Variants in CORO1C observed in about 807,000 individuals in gnomAD.
CORO1C encodes the protein coronin 1C.
CORO1C carries 14 observed loss-of-function variants against 51.2 expected under a neutral mutation model. The ratio of observed to expected loss-of-function variants is 0.27; its 90% CI spans 0.18 to 0.43. The LOEUF (loss-of-function observed/expected upper bound fraction) is 0.43. Among genes scored for constraint, CORO1C ranks in the 20% least tolerant of loss-of-function variants. The pLI is 1.00. For synonymous variants in CORO1C, 181 were observed against 210.5 expected (o/e 0.86, Z 1.21); for missense variants, 417 against 607.8 (o/e 0.69, Z 3.30).
intron 1 of CORO1C, among the ~76,000 whole-genome samples, chr12:108,729,433 A>G (rs373124654): frequency 1.3e-5 from 2 of 152,208 alleles, no homozygotes; most frequent in East Asian, 1.9e-4. Flanking sequence ...TACCTTCCAC[A>G]AGTAATCAAA....
chr12:108,671,280 G>A (rs1367855765), intron 3 of CORO1C, among the ~76,000 whole-genome samples: 3 of 152,128 alleles, frequency 2.0e-5, no homozygotes, highest in Admixed American at 6.5e-5. Context: ...AGGCATGATC[G>A]TGCCACTGTA....
chr12:108,710,484 C>A (rs921688386), intron 1 of CORO1C, among the ~76,000 whole-genome samples: 1 of 152,158 alleles, frequency 6.6e-6, no homozygotes, highest in African/African-American at 2.4e-5. Flanking sequence ...CTCTTTTTAT[C>A]TTCAAATAAA....
At position 108,662,068 on chromosome 12, in the gene CORO1C, C is replaced by A. The variant is rs201309864; in HGVS notation, c.409G>T (p.Ala137Ser). 1 of 1,614,194 alleles carries A rather than the reference C, an allele frequency of 6.2e-7. No homozygotes were observed. Among genetic ancestry groups the A allele is most frequent in the African/African-American group, 1.3e-5 (1 of 75,054 alleles). The change falls in exon 4 of 11, where the codon GCT (alanine) becomes TCT (serine). Residue 137 changes from alanine (A) to serine (S), a missense_variant. Ala to Ser is a moderately conservative substitution (Grantham distance 99, BLOSUM62 1). Transcript: ENST00000261401. ...EGHSKRVGIV[A>S]WHPTARNVLL... ...ACATTGCGGGCCGTTGGATGCCAAG[C>A]CACGATGCCGACTCTCTTTGAGTGG...
chr12:108,693,762 G>A (rs559815709), intron 2 of CORO1C, among the ~76,000 whole-genome samples: 1 of 152,212 alleles, frequency 6.6e-6, no homozygotes, highest in East Asian at 1.9e-4. Flanking sequence ...GCCCTCCTAG[G>A]GACAGAGCCC....
chr12:108,667,216 G>C (rs962086324), intron 3 of CORO1C, among the ~76,000 whole-genome samples: 3 of 152,130 alleles, frequency 2.0e-5, no homozygotes, highest in Non-Finnish European at 2.9e-5. Flanking sequence ...ATTCAGCACT[G>C]TACCCAATTA....
chr12:108,726,948 G>A (rs1254679009), intron 1 of CORO1C, among the ~76,000 whole-genome samples: 1 of 152,194 alleles, frequency 6.6e-6, no homozygotes, highest in Non-Finnish European at 1.5e-5. Context: ...GGTAAGAGCT[G>A]GACTTGGATG....
In CORO1C at chr12:108,657,390, T is replaced by G. The variant is rs377185786; in HGVS notation, c.664A>C (p.Met222Leu). The change falls in exon 6 of 11, where the codon ATG becomes CTG. Residue 222 changes from methionine to leucine, a missense_variant. By Grantham distance (15) the Met-to-Leu change is conservative. Transcript: ENST00000261401. ...CCATCGGCCAGGAAGATGGCTCTCATGGGTCTTGCTCCTTCATGTGCTTTC... is the reference window on the plus strand; with the variant it reads ...CCATCGGCCAGGAAGATGGCTCTCAGGGGTCTTGCTCCTTCATGTGCTTTC... Reference protein sequence around the residue: ...KEKAHEGARPMRAIFLADGNV... With the variant: ...KEKAHEGARPLRAIFLADGNV... 1 of 1,613,852 alleles carries G rather than the reference T, an allele frequency of 6.2e-7. No homozygotes were observed. Among genetic ancestry groups the G allele is most frequent in the Non-Finnish European group, 8.5e-7 (1 of 1,179,914 alleles).
intron 1 of CORO1C, among the ~76,000 whole-genome samples, chr12:108,724,159 C>A (rs1186471779): frequency 1.3e-5 from 2 of 152,158 alleles, no homozygotes; most frequent in Non-Finnish European, 2.9e-5. Context: ...AAAGCAACAA[C>A]AACAACAACA....
At chr12:108,682,807 T>C (rs2034169287) in intron 2 of CORO1C, among the ~76,000 whole-genome samples, 1 of 152,146 alleles carries the variant, frequency 6.6e-6, no homozygotes, top group African/African-American at 2.4e-5. Flanking sequence ...AAGGAGTCAA[T>C]AGCAGGTAGA....
In CORO1C at chr12:108,672,656, TG is replaced by T. The variant is rs957595856; in HGVS notation, c.318+5615del. 2.4e-4 allele frequency among the ~76,000 whole-genome samples: 36 copies of T among 150,840 alleles called. 1 individual carries two copies. Among genetic ancestry groups the T allele is most frequent in the Middle Eastern group, 3.4e-3 (1 of 292 alleles). The stretch of plus-strand genomic sequence containing the variant: ...AGATATTGTGGTGGTGTTTTTGTTT[TG>T]TTTTTTTTTTTAAACAAATTGAAGC... On this transcript the variant is annotated intron_variant, in intron 3 of 10. Transcript: ENST00000261401.
intron 1 of CORO1C, among the ~76,000 whole-genome samples, chr12:108,716,055 C>T (rs2035326589): frequency 6.9e-6 from 1 of 144,624 alleles, no homozygotes; most frequent in African/African-American, 2.6e-5. Flanking sequence ...CGCTTGAACC[C>T]GGAAGTCGGA....
At chr12:108,727,670 T>C (rs147235538) in intron 1 of CORO1C, among the ~76,000 whole-genome samples, 1,753 of 152,340 alleles carry the variant, frequency 0.012, 13 homozygotes, top group Non-Finnish European at 0.016. Context: ...TTTCAACTTA[T>C]ATAACCAAAA....
Position 108,659,010 on chromosome 12 carries a change from T to C in CORO1C, c.449-91A>G, listed in dbSNP as rs556354780. The C allele has an allele frequency of 8.1e-4, 1,082 of 1,332,246 alleles. 1 individual carries two copies. Among genetic ancestry groups the C allele is most frequent in the Non-Finnish European group, 1.0e-3 (984 of 970,348 alleles). The allele number at this position is 1,332,246 out of a possible 1,614,324, so 82.5% of individuals were successfully genotyped here. A position where few individuals can be genotyped will look rare whatever the true frequency, so the allele number is the denominator to read the frequency against. On this transcript the variant is annotated intron_variant, in intron 4 of 10. Transcript: ENST00000261401. ...TACAGATACAGTGAGAATACACATA[T>C]GTATATGCAGAGAGAGAGAGAGAGA...
intron 3 of CORO1C, among the ~76,000 whole-genome samples, chr12:108,662,977 C>T (rs992318225): frequency 6.6e-6 from 1 of 152,038 alleles, no homozygotes; most frequent in Non-Finnish European, 1.5e-5. Context: ...TAGAATTCAA[C>T]CAAAGGACAA....
intron 1 of CORO1C, among the ~76,000 whole-genome samples, chr12:108,715,240 AAAC>A (rs1220640169): frequency 1.3e-5 from 2 of 149,984 alleles, no homozygotes; most frequent in African/African-American, 4.8e-5. Context: ...TCTCTTAAAA[AAAC>A]AAAACAAAAC....
rs144253059 is a variant in CORO1C, at chr12:108,669,182, G to T, written c.319-7024C>A. Among the ~76,000 whole-genome samples the T allele has an allele frequency of 6.6e-5, 10 of 152,174 alleles. No homozygotes were observed. The East Asian group carries it at 7.7e-4, about 12-fold the overall frequency. ...CCTCTCCTAAAACTGCAAAGTAGCT[G>T]TCACTAAATCAATGCCCACAAAATT... On this transcript the variant is annotated intron_variant, in intron 3 of 10. Transcript: ENST00000261401.
chr12:108,647,625 C>T (rs530069070), intron 10 of CORO1C, 103 bp from the exon 11 acceptor site: 4 of 787,860 alleles, frequency 5.1e-6, no homozygotes, highest in African/African-American at 1.8e-5. Flanking sequence ...ATTTTGCAAA[C>T]GGCAAGCCAT....
Position 108,648,776 on chromosome 12 carries a change from G to A in CORO1C, c.1134C>T (p.Phe378=), listed in dbSNP as rs375038851. The part of the protein sequence containing the change: ...PEAALEAEEW[F]EGKNADPILI... Reference sequence around the variant, plus strand: ...GGATTGGGTCTGCATTCTTGCCTTCGAACCACTCTTCTGCCTCCAGCGCGG... The same window carrying A: ...GGATTGGGTCTGCATTCTTGCCTTCAAACCACTCTTCTGCCTCCAGCGCGG... Residue 378 remains phenylalanine (F), a synonymous_variant, in exon 10 of 11, where the codon TTC becomes TTT. Transcript: ENST00000261401. 3.7e-6 allele frequency: 6 copies of A among 1,614,066 alleles called. No homozygotes were observed. Among genetic ancestry groups the A allele is most frequent in the Middle Eastern group, 1.6e-4 (1 of 6,084 alleles).
Position 108,658,870 on chromosome 12 carries a change from A to G in CORO1C, c.498T>C (p.Leu166=), listed in dbSNP as rs1803053710. The change falls in exon 5 of 11, where the codon CTT becomes CTC. Residue 166 remains leucine, a synonymous_variant. Coordinates refer to ENST00000261401, the MANE Select transcript of CORO1C (RefSeq NM_014325.4). This position sits in a 1 kb window ranked among gnomAD's most constrained non-coding sequence, Gnocchi z 4.9. ...IIWNVGTGEA[L]INLDDMHSDM... ...CTGAATGCATATCGTCCAAGTTTAT[A>G]AGGGCTTCCCCTGTTCCCACATTCC... 2 of 1,613,884 alleles carry G rather than the reference A, an allele frequency of 1.2e-6. No homozygotes were observed. The highest frequency in any genetic ancestry group is 1.7e-6 in the Non-Finnish European group (2 of 1,179,746).
Sources: gnomAD v4.1 joint callset for allele counts (sites outside exome capture counted in the v4.1 genomes callset) on GRCh38, gnomAD v4.1.1 for gene constraint, Gnocchi (gnomAD v3.1) non-coding constraint, MANE v1.5 for transcripts, NCBI Gene and HGNC (gene_info 2026-07-23, HGNC 2026-07-21) for gene names.